RHBDF1: variants seen among roughly 807,000 people sequenced by gnomAD.
RHBDF1 encodes inactive rhomboid protein 1.
A neutral mutation model predicts 98.6 loss-of-function variants in RHBDF1; 80 were observed. That is an observed-to-expected ratio of 0.81 (90% CI 0.68 to 0.98). The LOEUF (loss-of-function observed/expected upper bound fraction) is 0.98. Among genes scored for constraint, RHBDF1 ranks in the 50% least tolerant of loss-of-function variants. RHBDF1 has a pLI of 0.00. For missense variants in RHBDF1, 1,116 were observed against 1,198.3 expected (o/e 0.93, Z 1.01); for synonymous variants, 512 against 486.8 (o/e 1.05, Z -0.68).
At chr16:66,058 C>G (rs185774880) in intron 1 of RHBDF1, among the ~76,000 whole-genome samples, 2 of 152,364 alleles carry the variant, frequency 1.3e-5, no homozygotes, top group African/African-American at 4.8e-5. Flanking sequence ...TCCTGGCAGA[C>G]CTGCAGCTGT....
Position 62,419 on chromosome 16 carries a change from C to G in RHBDF1, c.953+119G>C, listed in dbSNP as rs1478708935. On this transcript the variant is annotated intron_variant, in intron 7 of 17. Coordinates refer to ENST00000262316, the MANE Select transcript of RHBDF1 (RefSeq NM_022450.5). ...CTGGTGGCCCAGTGAGTAGTGAGTT[C>G]CCAGTCCCTGAGGCTACCCCTTCCA... 12 of 1,355,490 alleles carry G rather than the reference C, an allele frequency of 8.9e-6. No homozygotes were observed. The Admixed American group carries it at 2.3e-4, about 26-fold the overall frequency. The allele number at this position is 1,355,490 out of a possible 1,614,324, so 84.0% of individuals were successfully genotyped here.
chr16:62,394 C>CT (rs1166148536), intron 7 of RHBDF1, 144 bp downstream of exon 7: 3 of 1,130,608 alleles, frequency 2.7e-6, no homozygotes, highest in Non-Finnish European at 3.8e-6. Context: ...TCTCCCACCC[C>CT]TGGTGGCCCA....
intron 1 of RHBDF1, among the ~76,000 whole-genome samples, chr16:72,211 C>T (rs1264817307): frequency 6.6e-6 from 1 of 152,230 alleles, no homozygotes; most frequent in Non-Finnish European, 1.5e-5. Flanking sequence ...CCGAGCTGTC[C>T]CGCCCGGCCA....
chr16:63,709 C>T lies in RHBDF1; in HGVS notation c.340G>A (p.Gly114Arg), dbSNP rs376839826. 1.2e-5 allele frequency: 19 copies of T among 1,613,560 alleles called. No homozygotes were observed. The highest frequency in any genetic ancestry group is 1.7e-5 in the Admixed American group (1 of 60,008). The stretch of plus-strand genomic sequence containing the variant: ...CGGAGGACCTGGGGCTTCAGCTTCC[C>T]GTAGCGCTGGCTGCAGTGACGGATG... ...KSIRHCSQRY[G>R]KLKPQVLREL... The change falls in exon 4 of 18, where the codon GGG becomes AGG. Residue 114 changes from glycine (G) to arginine (R), a missense_variant. Gly to Arg is a moderately radical substitution (Grantham distance 125). Coordinates refer to ENST00000262316, the MANE Select transcript of RHBDF1 (RefSeq NM_022450.5).
chr16:60,544 G>A lies in RHBDF1; in HGVS notation c.1558-5C>T, dbSNP rs1171210051. On this transcript the variant is annotated splice_region_variant and splice_polypyrimidine_tract_variant and intron_variant, in intron 11 of 17. Coordinates refer to ENST00000262316, the MANE Select transcript of RHBDF1 (RefSeq NM_022450.5). The stretch of plus-strand genomic sequence containing the variant: ...CACCCACACTGCCAGCGTGGACTGT[G>A]GGAGGGGGACACAGGGTCAGGTCCA... The A allele has an allele frequency of 3.1e-6, 5 of 1,604,932 alleles. No individual in the cohort carries two copies. The highest frequency in any genetic ancestry group is 4.2e-6 in the Non-Finnish European group (5 of 1,178,970).
In RHBDF1 at chr16:62,647, C is replaced by G. The variant is rs1369163105; in HGVS notation, c.844G>C (p.Glu282Gln). Residue 282 changes from glutamate (E) to glutamine (Q), a missense_variant, in exon 7 of 18, where the codon GAG (glutamate) becomes CAG (glutamine). Physicochemically the swap from Glu to Gln is conservative, Grantham distance 29 (BLOSUM62 2). Transcript: ENST00000262316. ...ELSTYPDEVFESPSEAALKDW... is the reference protein window; with the variant it reads ...ELSTYPDEVFQSPSEAALKDW... Reference sequence around the variant, plus strand: ...TTTAGCGCTGCCTCCGATGGGGACTCGAAAACTTCATCCGGGTATGTGGAC... The same window carrying G: ...TTTAGCGCTGCCTCCGATGGGGACTGGAAAACTTCATCCGGGTATGTGGAC... 5 of 1,613,996 alleles carry G rather than the reference C, an allele frequency of 3.1e-6. No homozygotes were observed. The highest frequency in any genetic ancestry group is 8.5e-7 in the Non-Finnish European group (1 of 1,180,044).
intron 3 of RHBDF1, 184 bp downstream of exon 3, chr16:64,515 G>T: frequency 6.5e-7 from 1 of 1,541,598 alleles, no homozygotes; most frequent in East Asian, 2.4e-5. Context: ...GAGTGGAGCA[G>T]GGTAGTGGGG....
intron 1 of RHBDF1, among the ~76,000 whole-genome samples, chr16:66,516 G>A (rs963041136): frequency 4.6e-5 from 7 of 152,184 alleles, no homozygotes; most frequent in Non-Finnish European, 1.0e-4. Context: ...TACTACCAGG[G>A]AAAGGCTGGG....
intron 16 of RHBDF1, 57 bp downstream of exon 16, chr16:59,192 C>A: frequency 6.3e-7 from 1 of 1,594,942 alleles, no homozygotes; most frequent in East Asian, 2.2e-5. Flanking sequence ...CTGCCACCCC[C>A]AGCCAGCCAA....
rs1308841648 is a variant in RHBDF1 at position 63,171 on chromosome 16, G to A, written c.474C>T (p.Pro158=). Reference sequence around the variant, plus strand: ...CACGGAAGGCACGGCCACGGGCCAGGGGGTCTATGATCTGGAGGAGGGGAG... The same window carrying A: ...CACGGAAGGCACGGCCACGGGCCAGAGGGTCTATGATCTGGAGGAGGGGAG... ...CQLGMQKIID[P]LARGRAFRVA... The change falls in exon 5 of 18, where the codon CCC becomes CCT. Residue 158 remains proline, a synonymous_variant. Transcript: ENST00000262316. 2.5e-6 allele frequency: 4 copies of A among 1,575,326 alleles called. No homozygotes were observed. The highest frequency in any genetic ancestry group is 3.4e-6 in the Non-Finnish European group (4 of 1,161,248).
At chr16:67,308 GGGCCAGAGA>G (rs2141863038) in intron 1 of RHBDF1, among the ~76,000 whole-genome samples, 1 of 152,330 alleles carries the variant, frequency 6.6e-6, no homozygotes, top group East Asian at 1.9e-4. Flanking sequence ...GCCATTATGG[GGGCCAGAGA>G]GGAGCAGGGC....
intron 11 of RHBDF1, 62 bp downstream of exon 11, chr16:61,058 C>A: frequency 1.3e-6 from 2 of 1,482,442 alleles, no homozygotes; most frequent in Non-Finnish European, 1.8e-6. Context: ...CCGAGTCTAT[C>A]TGAGGTCTGA....
At chr16:58,862 G>A (rs1897487951) in intron 17 of RHBDF1, 103 bp from the exon 18 acceptor site, 1 of 1,554,394 alleles carries the variant, frequency 6.4e-7, no homozygotes, top group African/African-American at 1.4e-5. Context: ...AGAGCATATT[G>A]GGACCGAGGA....
intron 13 of RHBDF1, 62 bp downstream of exon 13, chr16:60,154 G>A (rs1897553386): frequency 1.9e-6 from 3 of 1,611,982 alleles, no homozygotes; most frequent in Non-Finnish European, 2.5e-6. Context: ...AGTGGGTGGG[G>A]TGTGGCATTC....
At position 61,861 on chromosome 16, in the gene RHBDF1, C is replaced by T; in HGVS notation, c.1145G>A (p.Arg382His). 6.2e-7 allele frequency: 1 copy of T among 1,610,776 alleles called. No homozygotes were observed. The change falls in exon 8 of 18, where the codon CGC becomes CAC. Residue 382 changes from arginine (R) to histidine (H), a missense_variant. Transcript: ENST00000262316. Reference protein sequence around the residue: ...GLGMVGRLTNRTYRKRIDSFV... With the variant: ...GLGMVGRLTNHTYRKRIDSFV... ...GCTGTCGATGCGCTTGCGGTAGGTG[C>T]GGTTGGTGAGCCGTCCCACCATGCC...
chr16:59,231 G>T lies in RHBDF1; in HGVS notation c.1994+18C>A, dbSNP rs373578168. 2.5e-6 allele frequency: 4 copies of T among 1,593,260 alleles called. No homozygotes were observed. The highest frequency in any genetic ancestry group is 3.4e-6 in the Non-Finnish European group (4 of 1,167,272). On this transcript the variant is annotated intron_variant, in intron 16 of 17. Transcript: ENST00000262316. The stretch of plus-strand genomic sequence containing the variant: ...TGAGGGCCCTGAGACCCCCGACCCG[G>T]CCCACAGTGTCACTTGCCCGGCGTG...
At chr16:59,383 TGG>T in intron 15 of RHBDF1, 34 bp from the exon 16 acceptor site, 2 of 1,612,426 alleles carry the variant, frequency 1.2e-6, no homozygotes, top group Non-Finnish European at 1.7e-6. Context: ...TCACAGTAGC[TGG>T]GGGAGGGGAA....
chr16:71,375 G>A (rs975769726), intron 1 of RHBDF1, among the ~76,000 whole-genome samples: 3 of 152,188 alleles, frequency 2.0e-5, no homozygotes, highest in Non-Finnish European at 2.9e-5. Flanking sequence ...GTGGCAGGGG[G>A]CTCCGCCTCA....
intron 10 of RHBDF1, 36 bp downstream of exon 10, chr16:61,349 C>T (rs1011522861): frequency 5.8e-6 from 9 of 1,546,280 alleles, no homozygotes; most frequent in East Asian, 2.4e-5. Context: ...CTCCAGGTCC[C>T]GCCCCCGCCG....
Sources: gnomAD v4.1 joint callset for allele counts (sites outside exome capture counted in the v4.1 genomes callset) on GRCh38, gnomAD v4.1.1 for gene constraint, MANE v1.5 for transcripts, NCBI Gene and HGNC (gene_info 2026-07-23, HGNC 2026-07-21) for gene names.